CSNK1G1: variants seen among roughly 807,000 people sequenced by gnomAD.
The protein encoded by CSNK1G1 is casein kinase I isoform gamma-1.
In CSNK1G1, 22 loss-of-function variants were observed where a neutral mutation model predicts 59.6. That is an observed-to-expected ratio of 0.37 (90% confidence interval 0.26 to 0.53). The LOEUF is 0.53. CSNK1G1 is among the 20% of genes least tolerant of loss of function. CSNK1G1 has a pLI of 0.89. For missense variants in CSNK1G1, 384 were observed against 519.5 expected, an observed-to-expected ratio of 0.74 and a Z score of 2.54; for synonymous variants, 179 against 177.1, an observed-to-expected ratio of 1.01 and a Z score of -0.08.
intron 1 of CSNK1G1, among the ~76,000 whole-genome samples, chr15:64,323,362 T>C (rs1160314773): frequency 6.6e-6 from 1 of 152,032 alleles, no homozygotes; most frequent in East Asian, 1.9e-4. Context: ...AATTACTGAC[T>C]ATACTTTTTT....
intron 2 of CSNK1G1, among the ~76,000 whole-genome samples, chr15:64,288,430 A>G (rs1282244541): frequency 6.6e-6 from 1 of 152,022 alleles, no homozygotes; most frequent in African/African-American, 2.4e-5. Flanking sequence ...AGGTATCTAG[A>G]CGACATGGAT....
chr15:64,346,422 T>TTTTATTTA (rs140857936), intron 1 of CSNK1G1, among the ~76,000 whole-genome samples: 102 of 137,512 alleles, frequency 7.4e-4, no homozygotes, highest in Admixed American at 3.4e-3. Context: ...GGAAACGAGT[T>TTTTATTTA]TTTATTTATT....
rs1235548061 is a variant in CSNK1G1, at chr15:64,216,584, A to G, written c.422T>C (p.Val141Ala). 2 of 1,613,904 alleles carry G rather than the reference A, an allele frequency of 1.2e-6. No homozygotes were observed. Among genetic ancestry groups the G allele is most frequent in the Admixed American group, 1.7e-5 (1 of 60,010 alleles). The stretch of plus-strand genomic sequence containing the variant: ...TACCAGCTGGATGGCTATCATTAAC[A>G]CCGTCTTCAAAGTAAATGTTCGGTC... Reference protein sequence around the residue: ...LCDRTFTLKTVLMIAIQLLSR... With the variant: ...LCDRTFTLKTALMIAIQLLSR... The change falls in exon 5 of 12, where the codon GTG (valine) becomes GCG (alanine). Residue 141 changes from valine (V) to alanine (A), a missense_variant. Transcript: ENST00000303052. The surrounding 1 kb of genome is among the most constrained non-coding windows in gnomAD (Gnocchi z 4.6).
In CSNK1G1 at chr15:64,210,062, G is replaced by T. The variant is rs1240766805; in HGVS notation, c.680-2468C>A. Reference sequence around the variant, plus strand: ...TTCAAATCCTGAGAACTATGAAAAAGAACTATAGAATATGGGACAATAGGA... The same window carrying T: ...TTCAAATCCTGAGAACTATGAAAAATAACTATAGAATATGGGACAATAGGA... On this transcript the variant is annotated intron_variant, in intron 6 of 11. Coordinates refer to ENST00000303052, the MANE Select transcript of CSNK1G1 (RefSeq NM_022048.5). This position sits in a 1 kb window ranked among gnomAD's most constrained non-coding sequence, Gnocchi z 4.2. Among the ~76,000 whole-genome samples, 2 of 151,994 alleles carry T rather than the reference G, an allele frequency of 1.3e-5. No individual in the cohort carries two copies. The highest frequency in any genetic ancestry group is 4.8e-5 in the African/African-American group (2 of 41,390).
intron 1 of CSNK1G1, among the ~76,000 whole-genome samples, chr15:64,346,830 A>C (rs1254922875): frequency 6.6e-6 from 1 of 152,154 alleles, no homozygotes; most frequent in Non-Finnish European, 1.5e-5. Context: ...GACCTTATTA[A>C]AAACTTCTGC....
At chr15:64,346,977 C>G (rs900967896) in intron 1 of CSNK1G1, among the ~76,000 whole-genome samples, 9 of 152,056 alleles carry the variant, frequency 5.9e-5, no homozygotes, top group Non-Finnish European at 1.2e-4. Flanking sequence ...AGCAAACAAC[C>G]TTATTTTAAA....
At chr15:64,316,853 G>T (rs148766350) in intron 1 of CSNK1G1, 2,442 of 152,062 alleles carry the variant, frequency 0.016, 21 homozygotes, top group Middle Eastern at 0.027. Context: ...CCCCAGTCAC[G>T]TACCCCCTGC....
intron 1 of CSNK1G1, among the ~76,000 whole-genome samples, chr15:64,352,615 T>A (rs1177860225): frequency 6.6e-6 from 1 of 150,456 alleles, no homozygotes; most frequent in Non-Finnish European, 1.5e-5. Flanking sequence ...CTGACTAATG[T>A]TGTATTTTTA....
Position 64,216,525 on chromosome 15 carries a change from C to A in CSNK1G1, c.444+37G>T, listed in dbSNP as rs889256321. ...GCCCACAAGGATGTGGCTGAGGAAC[C>A]AGCTTATTCTCTTCTAGAAGAGCAA... On this transcript the variant is annotated intron_variant, in intron 5 of 11. Transcript: ENST00000303052. The surrounding 1 kb of genome is among the most constrained non-coding windows in gnomAD (Gnocchi z 4.6). 6.2e-7 allele frequency: 1 copy of A among 1,602,332 alleles called. No individual in the cohort carries two copies.
chr15:64,238,518 A>AAAAAAAATATATATATATATAT (rs1555396879), intron 4 of CSNK1G1, among the ~76,000 whole-genome samples: 1 of 49,248 alleles, frequency 2.0e-5, no homozygotes, highest in African/African-American at 1.2e-4. Context: ...AAAAAAAAAA[A>AAAAAAAATATATATATATATAT]ATATATATAT....
chr15:64,288,130 G>T (rs1255218140), intron 2 of CSNK1G1, among the ~76,000 whole-genome samples: 1 of 152,022 alleles, frequency 6.6e-6, no homozygotes, highest in Non-Finnish European at 1.5e-5. Flanking sequence ...TGATAACTAA[G>T]AATTTTTTTT....
chr15:64,351,607 G>A (rs1056351233), intron 1 of CSNK1G1, among the ~76,000 whole-genome samples: 8 of 152,182 alleles, frequency 5.3e-5, no homozygotes, highest in East Asian at 1.9e-4. Context: ...GGCCAGGCAC[G>A]GTGGCTCACG....
chr15:64,327,593 T>C (rs1310126520), intron 1 of CSNK1G1, among the ~76,000 whole-genome samples: 3 of 145,626 alleles, frequency 2.1e-5, no homozygotes, highest in African/African-American at 5.1e-5. Context: ...ACAGAAAAAC[T>C]GGAAACTCTA....
intron 4 of CSNK1G1, among the ~76,000 whole-genome samples, chr15:64,226,693 C>T (rs572844397): frequency 4.9e-4 from 74 of 152,112 alleles, no homozygotes; most frequent in African/African-American, 1.8e-3. Context: ...CATTTTTCCA[C>T]CTTCCTTAGT....
chr15:64,266,582 G>C (rs1346860155), intron 2 of CSNK1G1, among the ~76,000 whole-genome samples: 2 of 151,576 alleles, frequency 1.3e-5, no homozygotes, highest in Admixed American at 6.6e-5. Context: ...TGGGCAAAAA[G>C]AACAAAGCCA....
chr15:64,298,848 T>C (rs1214648148), intron 2 of CSNK1G1, among the ~76,000 whole-genome samples: 6 of 147,502 alleles, frequency 4.1e-5, no homozygotes, highest in Admixed American at 6.8e-5. Context: ...CTGGCCAATA[T>C]GGCAAGAGCC....
chr15:64,180,456 TGAAACA>T lies in CSNK1G1; in HGVS notation c.1108-8_1108-3del. The stretch of plus-strand genomic sequence containing the variant: ...CTCTCCATTGGTTGAGCTAACCACC[TGAAACA>T]GAAAGACAGAAGTGTGTGACAGGCA... On this transcript the variant is annotated splice_polypyrimidine_tract_variant and splice_region_variant and intron_variant, in intron 10 of 11. Coordinates refer to ENST00000303052, the MANE Select transcript of CSNK1G1 (RefSeq NM_022048.5). The T allele has an allele frequency of 6.2e-7, 1 of 1,611,698 alleles. No homozygotes were observed. The highest frequency in any genetic ancestry group is 8.5e-7 in the Non-Finnish European group (1 of 1,177,842).
In CSNK1G1 at chr15:64,181,722, G is replaced by C. The variant is rs184625155; in HGVS notation, c.1108-1268C>G. On this transcript the variant is annotated intron_variant, in intron 10 of 11. Transcript: ENST00000303052. ...AAGCTTCCTAATCTCTAAAATGGGA[G>C]AACAATGCTGCTTACCTAATGGTGT... 1.1e-3 allele frequency: 335 copies of C among 296,340 alleles called. 2 individuals are homozygous for C. The highest frequency in any genetic ancestry group is 7.0e-3 in the African/African-American group (317 of 45,132). The allele number at this position is 296,340 out of a possible 1,614,324, so 18.4% of individuals were successfully genotyped here. A position where few individuals can be genotyped will look rare whatever the true frequency, so the allele number is the denominator to read the frequency against.
At chr15:64,213,744 C>T (rs762808234) in intron 6 of CSNK1G1, 146 bp downstream of exon 6, 44 of 630,882 alleles carry the variant, frequency 7.0e-5, no homozygotes, top group Middle Eastern at 3.9e-4. Flanking sequence ...ATTAACTTAC[C>T]ATCTCAACTT....
Sources: gnomAD v4.1 joint callset for allele counts (sites outside exome capture counted in the v4.1 genomes callset) on GRCh38, gnomAD v4.1.1 for gene constraint, Gnocchi (gnomAD v3.1) non-coding constraint, MANE v1.5 for transcripts, NCBI Gene and HGNC (gene_info 2026-07-23, HGNC 2026-07-21) for gene names.